The following BAALC variants were observed in gnomAD, a reference collection of about 807,000 sequenced individuals.
BAALC encodes BAALC binder of MAP3K1 and KLF4, also known as brain and acute leukemia cytoplasmic protein.
In BAALC, 9 loss-of-function variants were observed where a neutral mutation model predicts 15.5. The observed-to-expected ratio is 0.58, with a 90% CI of 0.35 to 1.02. The LOEUF (loss-of-function observed/expected upper bound fraction) is 1.02. BAALC is among the 50% of genes least tolerant of loss of function. The probability of loss-of-function intolerance (pLI) is 0.02; values close to 1 mark genes in which losing one functional copy is unlikely to be tolerated. For synonymous variants in BAALC, 80 were observed against 74.6 expected (o/e 1.07, Z -0.37); for missense variants, 201 against 192.4 (o/e 1.04, Z -0.27).
At chr8:103,184,059 A>T (rs1811783754) in intron 1 of BAALC, among the ~76,000 whole-genome samples, 1 of 152,194 alleles carries the variant, frequency 6.6e-6, no homozygotes, top group Non-Finnish European at 1.5e-5. Context: ...GGCAGCCTGC[A>T]TGCCTTTGTT....
intron 2 of BAALC, 58 bp from the exon 3 acceptor site, chr8:103,227,931 G>T (rs1296520178): frequency 8.1e-7 from 1 of 1,233,956 alleles, no homozygotes; most frequent in Non-Finnish European, 1.2e-6. Flanking sequence ...ACTTGCCTCG[G>T]TCATTTTCTT....
intron 2 of BAALC, among the ~76,000 whole-genome samples, chr8:103,224,397 A>C (rs1812753637): frequency 7.9e-6 from 1 of 126,718 alleles, no homozygotes; most frequent in South Asian, 3.1e-4. Context: ...TTGGCTCAGA[A>C]AGGCAGGACA....
intron 1 of BAALC, among the ~76,000 whole-genome samples, chr8:103,181,762 T>C (rs1293504926): frequency 6.6e-6 from 1 of 152,188 alleles, no homozygotes; most frequent in Non-Finnish European, 1.5e-5. Context: ...CTAATATTTA[T>C]TAGCAGTTTC....
chr8:103,183,462 C>T (rs1173033858), intron 1 of BAALC: 15 of 702,816 alleles, frequency 2.1e-5, no homozygotes, highest in Admixed American at 4.0e-5. Flanking sequence ...TGGCCACACA[C>T]CATGTACAGG....
chr8:103,197,295 C>G (rs1238924333), intron 1 of BAALC, among the ~76,000 whole-genome samples: 1 of 152,054 alleles, frequency 6.6e-6, no homozygotes, highest in African/African-American at 2.4e-5. Flanking sequence ...AGCAGGACCT[C>G]AGGCACTTTA....
chr8:103,164,165 GA>G (rs1811290955), intron 1 of BAALC, among the ~76,000 whole-genome samples: 1 of 152,172 alleles, frequency 6.6e-6, no homozygotes, highest in African/African-American at 2.4e-5. Context: ...AGCATTAGGG[GA>G]TAGAGTGCTC....
chr8:103,198,089 G>A (rs1812135388), intron 1 of BAALC: 4 of 699,680 alleles, frequency 5.7e-6, no homozygotes, highest in Non-Finnish European at 1.0e-5. Flanking sequence ...CCATCTACAT[G>A]TACTGTTAGG....
At chr8:103,225,254 G>A (rs1812778497) in intron 2 of BAALC, among the ~76,000 whole-genome samples, 1 of 152,160 alleles carries the variant, frequency 6.6e-6, no homozygotes, top group African/African-American at 2.4e-5. Context: ...TAAACTGAGA[G>A]CTTATGATGT....
intron 1 of BAALC, among the ~76,000 whole-genome samples, chr8:103,204,775 G>A (rs966400754): frequency 1.3e-5 from 2 of 152,198 alleles, no homozygotes; most frequent in Admixed American, 1.3e-4. Flanking sequence ...TAATAGCCAT[G>A]CAAAAGGTCA....
chr8:103,204,378 T>C (rs763090322), intron 1 of BAALC, among the ~76,000 whole-genome samples: 1 of 152,248 alleles, frequency 6.6e-6, no homozygotes, highest in Non-Finnish European at 1.5e-5. Context: ...GCCTTTTCAC[T>C]TTCTTCATGG....
intron 1 of BAALC, among the ~76,000 whole-genome samples, chr8:103,201,566 T>G (rs1812218838): frequency 6.6e-6 from 1 of 152,222 alleles, no homozygotes; most frequent in African/African-American, 2.4e-5. Context: ...TTAAGGAGAA[T>G]TAGGTTAATG....
intron 1 of BAALC, among the ~76,000 whole-genome samples, chr8:103,206,488 A>G (rs901318819): frequency 1.3e-5 from 2 of 152,136 alleles, no homozygotes; most frequent in African/African-American, 2.4e-5. Flanking sequence ...CCTGACCTCA[A>G]TGTGCCGCCG....
intron 1 of BAALC, among the ~76,000 whole-genome samples, chr8:103,211,301 CA>C (rs1812442278): frequency 6.6e-6 from 1 of 152,186 alleles, no homozygotes. Flanking sequence ...TCTGTGCTAC[CA>C]TGGAGAATTC....
At chr8:103,200,896 T>C in intron 1 of BAALC, 2 of 460,548 alleles carry the variant, frequency 4.3e-6, no homozygotes, top group East Asian at 2.9e-5. Flanking sequence ...GATTTATACA[T>C]ATGAATTTTG....
intron 1 of BAALC, among the ~76,000 whole-genome samples, chr8:103,186,786 G>A (rs1032710961): frequency 6.6e-6 from 1 of 152,150 alleles, no homozygotes; most frequent in African/African-American, 2.4e-5. Context: ...AAATGAACTT[G>A]TGACTAAGCA....
chr8:103,212,834 T>A, intron 1 of BAALC, 85 bp from the exon 2 acceptor site: 3 of 1,426,012 alleles, frequency 2.1e-6, no homozygotes, highest in Non-Finnish European at 2.8e-6. Flanking sequence ...TCATTTTGAC[T>A]ATCTGTTTCT....
At chr8:103,166,628 T>C (rs1369537738) in intron 1 of BAALC, among the ~76,000 whole-genome samples, 1 of 152,190 alleles carries the variant, frequency 6.6e-6, no homozygotes, top group East Asian at 1.9e-4. Context: ...GATCTGATTT[T>C]ATTTTTTTGA....
intron 1 of BAALC, among the ~76,000 whole-genome samples, chr8:103,201,398 T>G (rs1586426201): frequency 6.6e-6 from 1 of 151,920 alleles, no homozygotes; most frequent in African/African-American, 2.4e-5. Context: ...TTGTTGGGAT[T>G]GTACAGGTAA....
chr8:103,184,010 T>A (rs1479569303), intron 1 of BAALC, among the ~76,000 whole-genome samples: 1 of 152,240 alleles, frequency 6.6e-6, no homozygotes, highest in African/African-American at 2.4e-5. Flanking sequence ...TGGAGGCTCC[T>A]TGGGAGAATC....
Sources: allele counts gnomAD v4.1 joint callset (sites outside exome capture counted in the v4.1 genomes callset), GRCh38; gene constraint gnomAD v4.1.1; transcripts MANE v1.5; gene names NCBI Gene and HGNC (gene_info 2026-07-23, HGNC 2026-07-21).